UBE2B: variants seen among roughly 807,000 people sequenced by gnomAD.
UBE2B encodes ubiquitin-conjugating enzyme E2 B.
A neutral mutation model predicts 24.6 loss-of-function variants in UBE2B; 11 were observed. The ratio of observed to expected loss-of-function variants is 0.45; its 90% CI spans 0.28 to 0.74. The LOEUF is 0.74. UBE2B is among the 30% of genes least tolerant of loss of function. UBE2B has a pLI of 0.13. For missense variants in UBE2B, 78 were observed against 185.6 expected, an observed-to-expected ratio of 0.42 and a Z score of 3.37; for synonymous variants, 68 against 62.4, an observed-to-expected ratio of 1.09 and a Z score of -0.42.
chr5:134,379,105 C>G (rs544567032), intron 3 of UBE2B, among the ~76,000 whole-genome samples: 6 of 151,950 alleles, frequency 3.9e-5, no homozygotes, highest in Non-Finnish European at 8.8e-5. Context: ...TGGAATATGG[C>G]AACATTTGGA....
intron 1 of UBE2B, among the ~76,000 whole-genome samples, chr5:134,371,987 C>T (rs1581315421): frequency 6.6e-6 from 1 of 152,238 alleles, no homozygotes. Flanking sequence ...CCCTTCTTGT[C>T]CCCTCAAAGT....
In UBE2B at chr5:134,378,640, G is replaced by A. The variant is rs1758650151; in HGVS notation, c.151+1946G>A. On this transcript the variant is annotated intron_variant, in intron 3 of 5. Transcript: ENST00000265339. ...CATGTCATAGTATGATAGTTGTCTG[G>A]AAGAAAAGCACTTCTACAGTTGTTT... 2.0e-5 allele frequency among the ~76,000 whole-genome samples: 3 copies of A among 152,066 alleles called. No homozygotes were observed. The South Asian group carries it at 6.2e-4, about 32-fold the overall frequency.
At chr5:134,377,476 T>C (rs1329550596) in intron 3 of UBE2B, among the ~76,000 whole-genome samples, 1 of 152,224 alleles carries the variant, frequency 6.6e-6, no homozygotes, top group Non-Finnish European at 1.5e-5. Context: ...ATAAGGTAGA[T>C]TTGGACATAC....
At chr5:134,379,278 A>G (rs1031015851) in intron 3 of UBE2B, among the ~76,000 whole-genome samples, 2 of 152,242 alleles carry the variant, frequency 1.3e-5, no homozygotes, top group African/African-American at 2.4e-5. Flanking sequence ...GCAAACCTTT[A>G]AAAGAACTAC....
chr5:134,374,597 A>G (rs1581318823), intron 2 of UBE2B, 134 bp downstream of exon 2: 1 of 891,386 alleles, frequency 1.1e-6, no homozygotes, highest in Non-Finnish European at 1.7e-6. Context: ...GATAAATTAG[A>G]AAAAAAAAAT....
chr5:134,382,146 T>C (rs928887007), intron 4 of UBE2B, among the ~76,000 whole-genome samples: 1 of 151,978 alleles, frequency 6.6e-6, no homozygotes, highest in African/African-American at 2.4e-5. Flanking sequence ...TTGGCTAAAA[T>C]TAAGCTTTTC....
intron 3 of UBE2B, among the ~76,000 whole-genome samples, chr5:134,378,049 G>A (rs986103016): frequency 6.6e-6 from 1 of 152,036 alleles, no homozygotes; most frequent in African/African-American, 2.4e-5. Context: ...CAGGCATGGT[G>A]GTACATGCCT....
At chr5:134,382,641 G>A (rs1371544818) in intron 4 of UBE2B, among the ~76,000 whole-genome samples, 2 of 151,954 alleles carry the variant, frequency 1.3e-5, no homozygotes, top group African/African-American at 4.8e-5. Context: ...GGGCACAGTG[G>A]TGCGTACCTG....
intron 3 of UBE2B, among the ~76,000 whole-genome samples, chr5:134,379,159 T>C (rs1012067912): frequency 2.6e-5 from 4 of 152,124 alleles, no homozygotes; most frequent in African/African-American, 7.2e-5. Flanking sequence ...AGATGTCCCA[T>C]GAATAATAAT....
chr5:134,386,398 G>A (rs1758801813), intron 4 of UBE2B, among the ~76,000 whole-genome samples: 2 of 151,890 alleles, frequency 1.3e-5, no homozygotes, highest in South Asian at 4.2e-4. Flanking sequence ...GGGAGGCCGA[G>A]GCAGGTGGAT....
At chr5:134,389,961 A>G in intron 5 of UBE2B, 1 of 418,834 alleles carries the variant, frequency 2.4e-6, no homozygotes, top group Non-Finnish European at 4.4e-6. Context: ...GATTACAGGC[A>G]CAAGCCACTG....
chr5:134,375,824 A>C (rs1011972369), intron 2 of UBE2B, among the ~76,000 whole-genome samples: 6 of 144,826 alleles, frequency 4.1e-5, no homozygotes, highest in Admixed American at 2.8e-4. Context: ...AAAAAAAAAA[A>C]AACTTTATGC....
intron 1 of UBE2B, 72 bp from the exon 2 acceptor site, chr5:134,374,311 C>T: frequency 7.6e-7 from 1 of 1,314,772 alleles, no homozygotes; most frequent in South Asian, 1.3e-5. Context: ...GGTATAGTGT[C>T]TGTAGGTGTT....
At chr5:134,387,518 T>C (rs1758826770) in intron 4 of UBE2B, among the ~76,000 whole-genome samples, 1 of 152,246 alleles carries the variant, frequency 6.6e-6, no homozygotes, top group Non-Finnish European at 1.5e-5. Flanking sequence ...CAGGGACTGA[T>C]AATTTGTAAA....
chr5:134,374,092 G>T (rs1758552924), intron 1 of UBE2B, among the ~76,000 whole-genome samples: 1 of 152,176 alleles, frequency 6.6e-6, no homozygotes, highest in Non-Finnish European at 1.5e-5. Flanking sequence ...CTAGTTTACA[G>T]TCCCACCAAC....
intron 3 of UBE2B, among the ~76,000 whole-genome samples, chr5:134,378,125 G>C (rs1401083227): frequency 1.3e-5 from 2 of 152,114 alleles, no homozygotes; most frequent in Non-Finnish European, 1.5e-5. Flanking sequence ...AGCCCTGGTG[G>C]AGCCACTGAG....
At chr5:134,389,550 T>C (rs932626237) in intron 5 of UBE2B, among the ~76,000 whole-genome samples, 5 of 150,810 alleles carry the variant, frequency 3.3e-5, no homozygotes, top group African/African-American at 1.2e-4. Flanking sequence ...TTTTCTTTTT[T>C]CTTTTTTTTT....
intron 3 of UBE2B, among the ~76,000 whole-genome samples, chr5:134,378,506 C>T (rs540874281): frequency 1.1e-4 from 17 of 152,320 alleles, no homozygotes; most frequent in Non-Finnish European, 2.1e-4. Context: ...AGGTGATCTG[C>T]CCACCTTGGC....
chr5:134,378,090 AGCCCAAGAGGTCAAG>A (rs998965181), intron 3 of UBE2B, among the ~76,000 whole-genome samples: 8 of 152,174 alleles, frequency 5.3e-5, no homozygotes, highest in Admixed American at 5.2e-4. Context: ...GGATTACCTG[AGCCCAAGAGGTCAAG>A]GCTGCAGTGA....
Sources: allele counts gnomAD v4.1 joint callset (sites outside exome capture counted in the v4.1 genomes callset), GRCh38; gene constraint gnomAD v4.1.1; transcripts MANE v1.5; gene names NCBI Gene and HGNC (gene_info 2026-07-23, HGNC 2026-07-21).